TMEM132B: variants seen among roughly 807,000 people sequenced by gnomAD.
TMEM132B encodes the protein transmembrane protein 132B.
TMEM132B carries 18 observed loss-of-function variants against 90.8 expected under a neutral mutation model. The ratio of observed to expected loss-of-function variants is 0.20; its 90% CI spans 0.14 to 0.29. The LOEUF (loss-of-function observed/expected upper bound fraction) is 0.29, where lower values mean the gene tolerates loss of function less well. TMEM132B is among the 10% of genes least tolerant of loss of function. The pLI is 1.00. For missense variants in TMEM132B, 1,096 were observed against 1,326.8 expected (o/e 0.83, Z 2.70); for synonymous variants, 504 against 523.3 (o/e 0.96, Z 0.50).
intron 2 of TMEM132B, among the ~76,000 whole-genome samples, chr12:125,359,563 AACTAAAG>A (rs1175753799): frequency 6.6e-6 from 1 of 152,194 alleles, no homozygotes; most frequent in African/African-American, 2.4e-5. Flanking sequence ...TTATGGTTAC[AACTAAAG>A]ACCATGAGCT....
chr12:125,581,482 G>T (rs1267564649), intron 4 of TMEM132B, among the ~76,000 whole-genome samples: 1 of 152,132 alleles, frequency 6.6e-6, no homozygotes, highest in Non-Finnish European at 1.5e-5. Flanking sequence ...ATCTGTCTTT[G>T]TGGGCCAAGG....
At chr12:125,344,415 C>T (rs2136225273) in intron 1 of TMEM132B, among the ~76,000 whole-genome samples, 1 of 152,224 alleles carries the variant, frequency 6.6e-6, no homozygotes, top group Middle Eastern at 3.4e-3. Flanking sequence ...ACCTTTTGGG[C>T]TAGAGGGAAA....
intron 1 of TMEM132B, among the ~76,000 whole-genome samples, chr12:125,302,785 A>G (rs1297723155): frequency 1.3e-5 from 2 of 152,332 alleles, no homozygotes; most frequent in East Asian, 3.9e-4. Flanking sequence ...ATTTTTAATC[A>G]TCTGAAATAG....
chr12:125,253,603 C>G (rs1364260565), intron 1 of TMEM132B, among the ~76,000 whole-genome samples: 1 of 151,952 alleles, frequency 6.6e-6, no homozygotes, highest in African/African-American at 2.4e-5. Flanking sequence ...CCCAGCTAAT[C>G]TTTGTTTTTG....
chr12:125,379,861 G>T (rs963483589), intron 2 of TMEM132B, among the ~76,000 whole-genome samples: 11 of 152,208 alleles, frequency 7.2e-5, no homozygotes, highest in Admixed American at 1.3e-4. Flanking sequence ...TGCCACTACA[G>T]GTAGAGGTGT....
intron 6 of TMEM132B, 149 bp downstream of exon 6, chr12:125,644,430 A>AAC: frequency 1.4e-6 from 1 of 701,092 alleles, no homozygotes; most frequent in Non-Finnish European, 2.3e-6. Context: ...GATGGATCTG[A>AAC]CTTGAGTACT....
At chr12:125,198,378 T>G (rs1267667993) in intron 1 of TMEM132B, among the ~76,000 whole-genome samples, 3 of 152,190 alleles carry the variant, frequency 2.0e-5, no homozygotes, top group Non-Finnish European at 2.9e-5. Context: ...TGCCACTTGG[T>G]CTCTTAGTTC....
chr12:125,584,194 C>T (rs1012896892), intron 5 of TMEM132B, 200 bp downstream of exon 5: 17 of 663,300 alleles, frequency 2.6e-5, no homozygotes, highest in Middle Eastern at 5.8e-4. Flanking sequence ...ATGCTGCTTC[C>T]CTCTCCCTGG....
At chr12:125,370,693 G>A (rs1005258512) in intron 2 of TMEM132B, among the ~76,000 whole-genome samples, 1 of 152,184 alleles carries the variant, frequency 6.6e-6, no homozygotes, top group African/African-American at 2.4e-5. Context: ...ATAGGCATGA[G>A]CTACCGCATC....
intron 3 of TMEM132B, among the ~76,000 whole-genome samples, chr12:125,432,511 G>GTGTATA (rs1555248848): frequency 0.015 from 276 of 18,540 alleles, 66 homozygotes; most frequent in African/African-American, 0.065. Flanking sequence ...ATGTGTGTGT[G>GTGTATA]TATATATATA....
At chr12:125,542,677 T>A (rs998683661) in intron 4 of TMEM132B, among the ~76,000 whole-genome samples, 4 of 152,260 alleles carry the variant, frequency 2.6e-5, no homozygotes, top group Admixed American at 2.0e-4. Context: ...TTTTGAAGAT[T>A]GAATACTATT....
intron 1 of TMEM132B, among the ~76,000 whole-genome samples, chr12:125,286,056 CAT>C (rs1875346010): frequency 6.6e-6 from 1 of 152,246 alleles, no homozygotes; most frequent in Non-Finnish European, 1.5e-5. Flanking sequence ...GAATCATCCT[CAT>C]ATGTTTATCG....
chr12:125,270,235 C>T (rs759756567), intron 1 of TMEM132B, among the ~76,000 whole-genome samples: 23 of 151,982 alleles, frequency 1.5e-4, no homozygotes, highest in Non-Finnish European at 2.8e-4. Flanking sequence ...CTCCTACGCT[C>T]AAGCCATCCT....
chr12:125,510,228 G>C (rs148300024), intron 3 of TMEM132B, among the ~76,000 whole-genome samples: 44 of 152,316 alleles, frequency 2.9e-4, no homozygotes, highest in Non-Finnish European at 4.9e-4. Flanking sequence ...TCATGGGTTT[G>C]GCAGCCGAGA....
chr12:125,403,165 T>C (rs1879365938), intron 2 of TMEM132B, among the ~76,000 whole-genome samples: 1 of 152,238 alleles, frequency 6.6e-6, no homozygotes, highest in African/African-American at 2.4e-5. Flanking sequence ...GCAACTGCCC[T>C]TTAGAGCTCT....
intron 3 of TMEM132B, among the ~76,000 whole-genome samples, chr12:125,491,276 AT>A (rs1882344319): frequency 6.6e-6 from 1 of 151,382 alleles, no homozygotes; most frequent in Admixed American, 6.6e-5. Context: ...TTACTTATTT[AT>A]TTTAATTATT....
intron 5 of TMEM132B, among the ~76,000 whole-genome samples, chr12:125,630,142 C>A (rs1459136802): frequency 6.6e-6 from 1 of 152,086 alleles, no homozygotes; most frequent in East Asian, 1.9e-4. Flanking sequence ...CAGGGAAATA[C>A]TAGCCTTGTA....
chr12:125,428,661 G>T (rs1225278116), intron 3 of TMEM132B, among the ~76,000 whole-genome samples: 2 of 152,070 alleles, frequency 1.3e-5, no homozygotes, highest in Non-Finnish European at 1.5e-5. Flanking sequence ...CCCCAACCAA[G>T]CTCACCTCCT....
At chr12:125,470,214 G>C (rs565633932) in intron 3 of TMEM132B, among the ~76,000 whole-genome samples, 4 of 152,098 alleles carry the variant, frequency 2.6e-5, no homozygotes, top group Non-Finnish European at 5.9e-5. Flanking sequence ...AGTCTCCAGT[G>C]TTCCCACCTC....
Sources: allele counts gnomAD v4.1 joint callset (sites outside exome capture counted in the v4.1 genomes callset), GRCh38; gene constraint gnomAD v4.1.1; transcripts MANE v1.5; gene names NCBI Gene and HGNC (gene_info 2026-07-23, HGNC 2026-07-21).